ZNF570: variants seen among roughly 807,000 people sequenced by gnomAD.
ZNF570 encodes the protein zinc finger protein 570.
ZNF570 carries 8 observed loss-of-function variants against 14.2 expected under a neutral mutation model. The ratio of observed to expected loss-of-function variants is 0.56; its 90% CI spans 0.33 to 1.02. ZNF570 has a LOEUF of 1.02. ZNF570 is among the 50% of genes least tolerant of loss of function. The pLI is 0.03. For synonymous variants in ZNF570, 202 were observed against 207.6 expected (o/e 0.97, Z 0.23); for missense variants, 559 against 624.9 (o/e 0.89, Z 1.12).
In ZNF570 at chr19:37,482,405, C is replaced by T. The variant is rs113867045; in HGVS notation, c.257-1474C>T. Among the ~76,000 whole-genome samples the T allele has an allele frequency of 6.7e-3, 1,014 of 152,294 alleles. 13 individuals carry two copies. The highest frequency in any genetic ancestry group is 0.023 in the African/African-American group (943 of 41,568). On this transcript the variant is annotated intron_variant, in intron 4 of 4. Transcript: ENST00000330173. Reference sequence around the variant, plus strand: ...TGGCAGAAGGTGAACAGAGAGCAGGCACATCTCTTGGCAAAAGCCAGGAGT... The same window carrying T: ...TGGCAGAAGGTGAACAGAGAGCAGGTACATCTCTTGGCAAAAGCCAGGAGT...
Position 37,484,784 on chromosome 19 carries a change from T to C in ZNF570, c.1162T>C (p.Cys388Arg). 6.2e-7 allele frequency: 1 copy of C among 1,614,032 alleles called. No individual in the cohort carries two copies. Among genetic ancestry groups the C allele is most frequent in the Non-Finnish European group, 8.5e-7 (1 of 1,180,014 alleles). Residue 388 changes from cysteine to arginine, a missense_variant, in exon 5 of 5, where the codon TGT becomes CGT. Physicochemically the swap from Cys to Arg is radical, Grantham distance 180. Coordinates refer to ENST00000330173, the MANE Select transcript of ZNF570 (RefSeq NM_144694.5). ...RIHTGERPYE[C>R]KECGKAFSQN... is the part of the protein sequence containing the mutation. ...ACATACTGGAGAGAGACCCTATGAA[T>C]GTAAGGAATGTGGGAAGGCCTTTAG...
At position 37,487,046 on chromosome 19, in the gene ZNF570, A is replaced by G. The variant is rs2042162109; in HGVS notation, c.*1813A>G. Reference sequence around the variant, plus strand: ...GTGAAACCCCATCTCTACTAAAAATATAACAGTTAGCCAGGTGTGGTGGCG... The same window carrying G: ...GTGAAACCCCATCTCTACTAAAAATGTAACAGTTAGCCAGGTGTGGTGGCG... On this transcript the variant is annotated 3_prime_UTR_variant, in exon 5 of 5. Coordinates refer to ENST00000330173, the MANE Select transcript of ZNF570 (RefSeq NM_144694.5). 3 of 152,122 alleles carry G rather than the reference A, an allele frequency of 2.0e-5. No individual in the cohort carries two copies. The highest frequency in any genetic ancestry group is 2.0e-4 in the Admixed American group (3 of 15,274). The allele number at this position is 152,122 out of a possible 1,614,324, so 9.4% of individuals were successfully genotyped here. A position where few individuals can be genotyped will look rare whatever the true frequency, so the allele number is the denominator to read the frequency against.
chr19:37,467,908 C>T, upstream of ZNF570: 1 of 1,536,070 alleles, frequency 6.5e-7, no homozygotes, highest in Non-Finnish European at 8.7e-7. Flanking sequence ...TGTATTTGTT[C>T]TTTCTGGACT....
intron 4 of ZNF570, among the ~76,000 whole-genome samples, chr19:37,477,288 CGTGTGTGTGTGTGTGTGT>C (rs71177457): frequency 2.2e-4 from 25 of 115,466 alleles, no homozygotes; most frequent in Middle Eastern, 4.5e-3. Flanking sequence ...GGGAGGTTGT[CGTGTGTGTGTGTGTGTGT>C]GTGTGTGTGT....
In ZNF570 at chr19:37,484,098, A is replaced by G. The variant is rs771212983; in HGVS notation, c.476A>G (p.Asp159Gly). The G allele has an allele frequency of 6.8e-6, 11 of 1,613,908 alleles. No homozygotes were observed. Among genetic ancestry groups the G allele is most frequent in the Non-Finnish European group, 9.3e-6 (11 of 1,179,994 alleles). ...EIITHEEPLF[D>G]EREQEYKSWG... ...ATCACTCATGAAGAACCCCTTTTTG[A>G]TGAGAGAGAACAAGAATATAAATCT... Residue 159 changes from aspartate (D) to glycine (G), a missense_variant, in exon 5 of 5, where the codon GAT (aspartate) becomes GGT (glycine). Transcript: ENST00000330173.
At position 37,469,409 on chromosome 19, in the gene ZNF570, A is replaced by G; in HGVS notation, c.-200A>G. On this transcript the variant is annotated 5_prime_UTR_variant, in exon 1 of 5. Transcript: ENST00000330173. ...TTCCATCCAACTAAGGGTAGCGGTG[A>G]GACCCGAGTGCAGATTCCCCGAGCC... is the stretch of plus-strand genomic sequence containing the variant. 2 of 1,523,456 alleles carry G rather than the reference A, an allele frequency of 1.3e-6. No homozygotes were observed. The highest frequency in any genetic ancestry group is 2.0e-5 in the Admixed American group (1 of 50,394). The allele number at this position is 1,523,456 out of a possible 1,614,324, so 94.4% of individuals were successfully genotyped here.
chr19:37,482,134 T>A (rs1011887697), intron 4 of ZNF570, among the ~76,000 whole-genome samples: 22 of 152,210 alleles, frequency 1.4e-4, no homozygotes, highest in African/African-American at 4.8e-4. Context: ...GGCTGAATAA[T>A]CTATTGTACG....
At chr19:37,468,174 ACT>A (rs2041883233), upstream of ZNF570, 4 of 533,956 alleles carry the variant, frequency 7.5e-6, no homozygotes, top group Admixed American at 3.5e-5. Flanking sequence ...GCAGCCTCGA[ACT>A]CCCGGGCTCA....
chr19:37,474,692 T>A (rs2042004493), intron 2 of ZNF570, among the ~76,000 whole-genome samples: 1 of 152,088 alleles, frequency 6.6e-6, no homozygotes, highest in Non-Finnish European at 1.5e-5. Context: ...ACTCCTGACC[T>A]CAAGTGATCC....
rs148573181 is a variant in ZNF570, at chr19:37,487,605, A to G, written c.*2372A>G. 83 of 152,356 alleles carry G rather than the reference A, an allele frequency of 5.4e-4. No homozygotes were observed. The highest frequency in any genetic ancestry group is 1.9e-3 in the African/African-American group (80 of 41,588). 9.4% of individuals were successfully genotyped at this position (152,356 alleles called of 1,614,324 possible). A position where few individuals can be genotyped will look rare whatever the true frequency, so the allele number is the denominator to read the frequency against. ...ACAAGAAACTAAATCAAGGAGCATTATATAGCCTAGACTGCAGAGACTCAA... is the reference window on the plus strand; with the variant it reads ...ACAAGAAACTAAATCAAGGAGCATTGTATAGCCTAGACTGCAGAGACTCAA... On this transcript the variant is annotated 3_prime_UTR_variant, in exon 5 of 5. Coordinates refer to ENST00000330173, the MANE Select transcript of ZNF570 (RefSeq NM_144694.5).
At position 37,469,458 on chromosome 19, in the gene ZNF570, C is replaced by T. The variant is rs752540955; in HGVS notation, c.-151C>T. 6.5e-7 allele frequency: 1 copy of T among 1,536,204 alleles called. No homozygotes were observed. Among genetic ancestry groups the T allele is most frequent in the Non-Finnish European group, 8.7e-7 (1 of 1,146,798 alleles). ...CCTTCGGGGCAGGAAGGAGATCTTC[C>T]ACCAGTTCTGTTCTGCAGGTCGGGA... On this transcript the variant is annotated 5_prime_UTR_variant, in exon 1 of 5. Transcript: ENST00000330173.
intron 4 of ZNF570, among the ~76,000 whole-genome samples, chr19:37,480,939 G>T (rs1250826295): frequency 6.6e-6 from 1 of 150,850 alleles, no homozygotes; most frequent in African/African-American, 2.4e-5. Flanking sequence ...ACAGAGCAAG[G>T]CTCTGTCTCA....
chr19:37,468,068 C>T (rs1176801865), upstream of ZNF570: 5 of 655,256 alleles, frequency 7.6e-6, no homozygotes, highest in East Asian at 6.1e-5. Flanking sequence ...CTATGCCTTT[C>T]GTGTTTTTTT....
chr19:37,475,809 C>T (rs1283536576), intron 2 of ZNF570, 72 bp from the exon 3 acceptor site: 13 of 1,438,740 alleles, frequency 9.0e-6, no homozygotes, highest in South Asian at 8.6e-5. Context: ...AGAGAGAGCC[C>T]AGTGTGCCTA....
chr19:37,469,315 G>A (rs368374018), upstream of ZNF570: 247 of 1,415,918 alleles, frequency 1.7e-4, 1 homozygote, highest in East Asian at 5.2e-3. Flanking sequence ...AGTTGGGCCG[G>A]CGGCCCCTTT....
intron 4 of ZNF570, among the ~76,000 whole-genome samples, chr19:37,481,821 CCTTA>C (rs1457579961): frequency 6.6e-6 from 1 of 152,190 alleles, no homozygotes; most frequent in Non-Finnish European, 1.5e-5. Flanking sequence ...TTCAGTTCCA[CCTTA>C]CTTACTTGAA....
rs150530338 is a variant in ZNF570 at position 37,478,615 on chromosome 19, C to T, written c.256+2181C>T. Among the ~76,000 whole-genome samples the T allele has an allele frequency of 6.9e-5, 10 of 145,882 alleles. No homozygotes were observed. The East Asian group carries it at 1.5e-3, about 23-fold the overall frequency. On this transcript the variant is annotated intron_variant, in intron 4 of 4. Transcript: ENST00000330173. ...GATAACAGGCATTCTTGTCCACTTC[C>T]GGTCTTAATAAGAATACTTTAGCAT...
upstream of ZNF570, among the ~76,000 whole-genome samples, chr19:37,468,405 AAGAG>A (rs1286264423): frequency 6.6e-6 from 1 of 152,172 alleles, no homozygotes; most frequent in African/African-American, 2.4e-5. Flanking sequence ...ACCTTTAATA[AAGAG>A]ATAATAGGCC....
At chr19:37,474,283 T>C (rs1195477875) in intron 2 of ZNF570, among the ~76,000 whole-genome samples, 1 of 152,168 alleles carries the variant, frequency 6.6e-6, no homozygotes, top group Non-Finnish European at 1.5e-5. Context: ...ATGTATGTCA[T>C]ATATAAATAT....
Sources: gnomAD v4.1 joint callset for allele counts (sites outside exome capture counted in the v4.1 genomes callset) on GRCh38, gnomAD v4.1.1 for gene constraint, MANE v1.5 for transcripts, NCBI Gene and HGNC (gene_info 2026-07-23, HGNC 2026-07-21) for gene names.